THSD4: variants seen among roughly 807,000 people sequenced by gnomAD.
THSD4 encodes thrombospondin type 1 domain containing 4.
In THSD4, 69 loss-of-function variants were observed where a neutral mutation model predicts 119.0. The ratio of observed to expected loss-of-function variants is 0.58; its 90% CI spans 0.48 to 0.71. The LOEUF is 0.71. Among genes scored for constraint, THSD4 ranks in the 30% least tolerant of loss-of-function variants. The pLI is 0.00. For synonymous variants in THSD4, 524 were observed against 540.4 expected (o/e 0.97, Z 0.42); for missense variants, 1,393 against 1,391.1 (o/e 1.00, Z -0.02).
At chr15:71,697,943 A>G (rs1264670889) in intron 8 of THSD4, among the ~76,000 whole-genome samples, 3 of 151,954 alleles carry the variant, frequency 2.0e-5, no homozygotes, top group Non-Finnish European at 4.4e-5. Context: ...GGGGTAGATA[A>G]TAGATGAAAT....
intron 14 of THSD4, among the ~76,000 whole-genome samples, chr15:71,755,438 A>G (rs1424953543): frequency 6.6e-6 from 1 of 152,278 alleles, no homozygotes; most frequent in East Asian, 1.9e-4. Context: ...CTATTGCTTT[A>G]TTTTCTAAAA....
At chr15:71,613,827 T>C (rs2047688) in intron 7 of THSD4, among the ~76,000 whole-genome samples, 53,188 of 152,014 alleles carry the variant, frequency 0.35, 10,263 homozygotes, top group Non-Finnish European at 0.44. Context: ...TGCTGAGCAA[T>C]ATGCCTCCTT....
intron 3 of THSD4, among the ~76,000 whole-genome samples, chr15:71,160,589 T>A (rs1342532289): frequency 6.6e-6 from 1 of 152,020 alleles, no homozygotes; most frequent in East Asian, 1.9e-4. Context: ...TCTGTGTTTT[T>A]AAATTTATTG....
chr15:71,744,190 C>A (rs940401308), intron 11 of THSD4, among the ~76,000 whole-genome samples: 1 of 144,962 alleles, frequency 6.9e-6, no homozygotes, highest in African/African-American at 2.6e-5. Flanking sequence ...CCTAGACATT[C>A]CATTTAACAA....
chr15:71,210,005 A>C (rs1596270608), intron 3 of THSD4, among the ~76,000 whole-genome samples: 1 of 152,282 alleles, frequency 6.6e-6, no homozygotes, highest in Non-Finnish European at 1.5e-5. Flanking sequence ...TCTTTTGTAA[A>C]CTGCCCAGTC....
chr15:71,472,359 T>C (rs1258113119), intron 7 of THSD4, among the ~76,000 whole-genome samples: 1 of 152,222 alleles, frequency 6.6e-6, no homozygotes, highest in African/African-American at 2.4e-5. Context: ...TCAATACATA[T>C]TAACCACTAC....
chr15:71,209,857 G>A (rs1242985183), intron 3 of THSD4, among the ~76,000 whole-genome samples: 1 of 152,134 alleles, frequency 6.6e-6, no homozygotes, highest in Non-Finnish European at 1.5e-5. Flanking sequence ...TAAATTTCAC[G>A]AGAGCTGATG....
chr15:71,559,081 A>G (rs1436062413), intron 7 of THSD4, among the ~76,000 whole-genome samples: 1 of 152,176 alleles, frequency 6.6e-6, no homozygotes, highest in African/African-American at 2.4e-5. Context: ...TATTAAATCA[A>G]GGTTGTAGAT....
At chr15:71,201,177 A>G (rs2043800669) in intron 3 of THSD4, among the ~76,000 whole-genome samples, 1 of 139,544 alleles carries the variant, frequency 7.2e-6, no homozygotes, top group Non-Finnish European at 1.5e-5. Context: ...TGGTTGTTTG[A>G]AAAAAAAAAG....
chr15:71,781,251 G>T lies in THSD4; in HGVS notation c.*3877G>T. On this transcript the variant is annotated 3_prime_UTR_variant, in exon 18 of 18. Coordinates refer to ENST00000261862, the MANE Select transcript of THSD4 (RefSeq NM_024817.3). ...GATCAGGGAGACTAGAATAAAACTT[G>T]GATGTTAAAAATTCACCAGGAATCC... is the stretch of plus-strand genomic sequence containing the variant. The T allele has an allele frequency of 6.4e-6, 1 of 155,826 alleles. No individual in the cohort carries two copies. Among genetic ancestry groups the T allele is most frequent in the Admixed American group, 6.3e-5 (1 of 15,976 alleles). The allele number at this position is 155,826 out of a possible 1,614,324, so 9.7% of individuals were successfully genotyped here.
chr15:71,138,561 A>G (rs544899579), intron 1 of THSD4, among the ~76,000 whole-genome samples: 182 of 152,174 alleles, frequency 1.2e-3, no homozygotes, highest in Non-Finnish European at 2.1e-3. Flanking sequence ...TGCCCAGTAG[A>G]CAGTCAGCTC....
intron 1 of THSD4, among the ~76,000 whole-genome samples, chr15:71,119,504 T>G (rs1470763595): frequency 1.3e-5 from 2 of 152,044 alleles, no homozygotes; most frequent in African/African-American, 2.4e-5. Flanking sequence ...CTCTAAGGAG[T>G]GAGCAATGGA....
chr15:71,591,371 G>A (rs888587862), intron 7 of THSD4, among the ~76,000 whole-genome samples: 13 of 152,292 alleles, frequency 8.5e-5, no homozygotes, highest in Middle Eastern at 3.4e-3. Context: ...ATCTCCTTCT[G>A]TTTTCTGTTT....
At chr15:71,439,245 A>G (rs1395607162) in intron 7 of THSD4, among the ~76,000 whole-genome samples, 1 of 152,154 alleles carries the variant, frequency 6.6e-6, no homozygotes, top group African/African-American at 2.4e-5. Flanking sequence ...GATCATAGCA[A>G]TTTTTTAAAG....
chr15:71,773,542 A>G (rs1239069726), intron 17 of THSD4, among the ~76,000 whole-genome samples: 1 of 152,238 alleles, frequency 6.6e-6, no homozygotes, highest in African/African-American at 2.4e-5. Context: ...ACTAGAGAAA[A>G]AAAGGGAAAC....
At chr15:71,208,322 A>G (rs1212705281) in intron 3 of THSD4, among the ~76,000 whole-genome samples, 1 of 152,104 alleles carries the variant, frequency 6.6e-6, no homozygotes, top group Non-Finnish European at 1.5e-5. Flanking sequence ...CATAGAGCCG[A>G]TCTCAAAATG....
chr15:71,375,445 A>C (rs954549803), intron 6 of THSD4, among the ~76,000 whole-genome samples: 3 of 151,838 alleles, frequency 2.0e-5, no homozygotes, highest in Non-Finnish European at 4.4e-5. Flanking sequence ...CATCACTTTC[A>C]CACTGAATTG....
At chr15:71,598,242 G>A (rs2049942354) in intron 7 of THSD4, among the ~76,000 whole-genome samples, 3 of 152,166 alleles carry the variant, frequency 2.0e-5, no homozygotes. Context: ...GGCCAAGGTA[G>A]CAAGAGCAAG....
chr15:71,648,804 C>T (rs767061878), intron 7 of THSD4, among the ~76,000 whole-genome samples: 2 of 152,126 alleles, frequency 1.3e-5, no homozygotes, highest in East Asian at 1.9e-4. Flanking sequence ...GGACGCGTCT[C>T]GAGGAGAAGG....
Sources: allele counts gnomAD v4.1 joint callset (sites outside exome capture counted in the v4.1 genomes callset), GRCh38; gene constraint gnomAD v4.1.1; transcripts MANE v1.5; gene names NCBI Gene and HGNC (gene_info 2026-07-23, HGNC 2026-07-21).